Variants in TXNDC8 observed in about 807,000 individuals in gnomAD.
TXNDC8 encodes the protein thioredoxin domain-containing protein 8.
TXNDC8 carries 15 observed loss-of-function variants against 12.9 expected under a neutral mutation model. That is an observed-to-expected ratio of 1.16 (90% CI 0.78 to 1.79). TXNDC8 has a LOEUF of 1.79. Among genes scored for constraint, TXNDC8 ranks in the 40% most tolerant of loss-of-function variants. The pLI, the probability that TXNDC8 is intolerant of heterozygous loss-of-function variation, is 0.00. For missense variants in TXNDC8, 128 were observed against 113.2 expected (o/e 1.13, Z -0.59); for synonymous variants, 40 against 35.4 (o/e 1.13, Z -0.46).
intron 3 of TXNDC8, among the ~76,000 whole-genome samples, chr9:110,315,070 C>G (rs1001908310): frequency 6.6e-6 from 1 of 152,086 alleles, no homozygotes; most frequent in Non-Finnish European, 1.5e-5. Flanking sequence ...GTGAACCCTC[C>G]TATCCCCTGC....
At chr9:110,326,131 T>C in intron 3 of TXNDC8, 44 bp downstream of exon 4, 2 of 1,607,616 alleles carry the variant, frequency 1.2e-6, no homozygotes, top group Non-Finnish European at 1.7e-6. Flanking sequence ...ACTCTGATGG[T>C]TCTATAATCT....
At chr9:110,312,772 G>A (rs1838737505) in intron 3 of TXNDC8, among the ~76,000 whole-genome samples, 1 of 152,200 alleles carries the variant, frequency 6.6e-6, no homozygotes, top group African/African-American at 2.4e-5. Flanking sequence ...TGGGAACCTG[G>A]AGAGAGAAAA....
intron 3 of TXNDC8, among the ~76,000 whole-genome samples, chr9:110,305,144 T>A (rs996527779): frequency 1.7e-4 from 16 of 92,928 alleles, no homozygotes; most frequent in Middle Eastern, 6.8e-3. Context: ...AGAGATTCTG[T>A]CTCAAAAAAA....
chr9:110,327,624 A>G (rs1839383990), intron 2 of TXNDC8, among the ~76,000 whole-genome samples: 2 of 152,130 alleles, frequency 1.3e-5, no homozygotes, highest in Admixed American at 6.6e-5. Context: ...TGCCTGGCCA[A>G]AGTACTGATA....
At chr9:110,302,994 G>T (rs1838299032), downstream of TXNDC8, among the ~76,000 whole-genome samples, 1 of 151,990 alleles carries the variant, frequency 6.6e-6, no homozygotes, top group African/African-American at 2.4e-5. Context: ...AACCTGGTAG[G>T]CAGAGGTTTC....
intron 3 of TXNDC8, chr9:110,322,712 C>G: frequency 1.0e-6 from 1 of 985,426 alleles, no homozygotes. Flanking sequence ...GAAAATTATA[C>G]TGAACTGGAG....
At chr9:110,305,606 CTTTCTTTT>C (rs1838424533) in intron 3 of TXNDC8, among the ~76,000 whole-genome samples, 1 of 102,778 alleles carries the variant, frequency 9.7e-6, no homozygotes, top group Non-Finnish European at 2.1e-5. Flanking sequence ...TTCTTTCTTT[CTTTCTTTT>C]TCTTCCTTCC....
intron 3 of TXNDC8, among the ~76,000 whole-genome samples, chr9:110,306,011 C>T (rs1241386936): frequency 1.3e-5 from 2 of 151,934 alleles, no homozygotes; most frequent in Non-Finnish European, 2.9e-5. Context: ...CCACCTCTGC[C>T]TCCCACCACC....
downstream of TXNDC8, chr9:110,303,385 C>T: frequency 1.0e-6 from 1 of 987,022 alleles, no homozygotes; most frequent in Middle Eastern, 3.4e-4. Flanking sequence ...AGTGAGATTG[C>T]ATTATGGTAT....
At chr9:110,323,542 T>A (rs931563493) in intron 3 of TXNDC8, 5 of 192,734 alleles carry the variant, frequency 2.6e-5, no homozygotes, top group African/African-American at 9.5e-5. Context: ...AATTGGAAAC[T>A]GCAAATATAT....
chr9:110,320,180 T>A (rs1055789020), intron 3 of TXNDC8, among the ~76,000 whole-genome samples: 6 of 152,200 alleles, frequency 3.9e-5, no homozygotes, highest in African/African-American at 1.4e-4. Flanking sequence ...CCCTACTCCA[T>A]AGACATACAC....
chr9:110,312,105 T>A (rs566448904), intron 3 of TXNDC8, among the ~76,000 whole-genome samples: 3 of 152,088 alleles, frequency 2.0e-5, no homozygotes, highest in Non-Finnish European at 2.9e-5. Context: ...CTTAAAATGT[T>A]GCTGATCCTT....
At chr9:110,314,439 T>TC (rs970310299) in intron 3 of TXNDC8, among the ~76,000 whole-genome samples, 1 of 91,110 alleles carries the variant, frequency 1.1e-5, no homozygotes, top group African/African-American at 4.2e-5. Context: ...TTCTTTTTTC[T>TC]TTTTTTTTTT....
intron 3 of TXNDC8, among the ~76,000 whole-genome samples, chr9:110,309,174 TAA>T (rs56935560): frequency 0.12 from 17,713 of 152,124 alleles, 1,132 homozygotes; most frequent in African/African-American, 0.17. Context: ...TATATTTGCA[TAA>T]GAGACTGAAT....
chr9:110,324,339 A>G (rs753181965), intron 3 of TXNDC8, among the ~76,000 whole-genome samples: 9 of 152,218 alleles, frequency 5.9e-5, no homozygotes, highest in Non-Finnish European at 1.2e-4. Context: ...TAAAAATCCA[A>G]ATGAGGGAAT....
intron 3 of TXNDC8, among the ~76,000 whole-genome samples, chr9:110,314,437 T>C (rs1016537452): frequency 7.9e-6 from 1 of 126,644 alleles, no homozygotes; most frequent in African/African-American, 3.0e-5. Context: ...TTTTCTTTTT[T>C]CTTTTTTTTT....
chr9:110,325,562 G>C (rs1330520572), intron 3 of TXNDC8, among the ~76,000 whole-genome samples: 2 of 146,832 alleles, frequency 1.4e-5, no homozygotes, highest in African/African-American at 5.1e-5. Context: ...TGTCGCCCAG[G>C]CTGGATGGAG....
chr9:110,307,533 A>G (rs1838513475), intron 3 of TXNDC8, among the ~76,000 whole-genome samples: 1 of 152,188 alleles, frequency 6.6e-6, no homozygotes, highest in Non-Finnish European at 1.5e-5. Flanking sequence ...TGCAAGGCAA[A>G]TAGTTTAATT....
chr9:110,337,506 G>A (rs1253626750), intron 1 of TXNDC8, among the ~76,000 whole-genome samples: 1 of 152,176 alleles, frequency 6.6e-6, no homozygotes, highest in Non-Finnish European at 1.5e-5. Flanking sequence ...GATGTACTAG[G>A]AGCTGGTCTG....
Sources: allele counts gnomAD v4.1 joint callset (sites outside exome capture counted in the v4.1 genomes callset), GRCh38; gene constraint gnomAD v4.1.1; transcripts MANE v1.5; gene names NCBI Gene and HGNC (gene_info 2026-07-23, HGNC 2026-07-21).